Variants in PIEZO2 observed in about 807,000 individuals in gnomAD.
PIEZO2 encodes the protein piezo type mechanosensitive ion channel component 2.
In PIEZO2, 172 loss-of-function variants were observed where a neutral mutation model predicts 337.3. That is an observed-to-expected ratio of 0.51 (90% confidence interval 0.45 to 0.58). The LOEUF (loss-of-function observed/expected upper bound fraction) is 0.58. Among genes scored for constraint, PIEZO2 ranks in the 20% least tolerant of loss-of-function variants. The pLI is 0.00. For synonymous variants in PIEZO2, 1,251 were observed against 1,228.5 expected, an observed-to-expected ratio of 1.02 and a Z score of -0.38; for missense variants, 3,028 against 3,391.3, an observed-to-expected ratio of 0.89 and a Z score of 2.66.
rs1367805586 is a variant in PIEZO2 at position 11,096,990 on chromosome 18, C to T, written c.65-30768G>A. Reference sequence around the variant, plus strand: ...GTCTAGGAAAGATTTAAATGCCTAACGCCAGCAAGGCTTTTCCTCTAGGAC... The same window carrying T: ...GTCTAGGAAAGATTTAAATGCCTAATGCCAGCAAGGCTTTTCCTCTAGGAC... On this transcript the variant is annotated intron_variant, in intron 1 of 55. Coordinates refer to ENST00000674853, the MANE Select transcript of PIEZO2 (RefSeq NM_001378183.1). This position sits in a 1 kb window ranked among gnomAD's most constrained non-coding sequence, Gnocchi z 4.6. Among the ~76,000 whole-genome samples the T allele has an allele frequency of 4.6e-5, 7 of 152,158 alleles. No individual in the cohort carries two copies. The highest frequency in any genetic ancestry group is 3.8e-4 in the East Asian group (2 of 5,200).
chr18:11,029,527 C>G (rs1031154937), intron 2 of PIEZO2, among the ~76,000 whole-genome samples: 2 of 152,302 alleles, frequency 1.3e-5, no homozygotes, highest in Admixed American at 1.3e-4. Flanking sequence ...TTCAAACAAG[C>G]AAATTAGGCC....
rs546601375 is a variant in PIEZO2, at chr18:10,813,776, G to A, written c.918-6502C>T. ...CATAAGTGAAATTGTTGGATCGTAT[G>A]ACCATTCTATTTTTAATAGAGAAAC... On this transcript the variant is annotated intron_variant, in intron 7 of 55. Transcript: ENST00000674853. The surrounding 1 kb of genome is among the most constrained non-coding windows in gnomAD (Gnocchi z 4.2). 5.7e-4 allele frequency among the ~76,000 whole-genome samples: 86 copies of A among 152,172 alleles called. 1 individual carries two copies. The highest frequency in any genetic ancestry group is 2.0e-3 in the African/African-American group (85 of 41,502).
At chr18:10,908,581 C>T (rs1253052819) in intron 4 of PIEZO2, 2 of 152,314 alleles carry the variant, frequency 1.3e-5, no homozygotes, top group African/African-American at 4.8e-5. Context: ...ACAAGAACCT[C>T]AAAGATCACT....
chr18:10,787,956 C>T (rs10853190), intron 15 of PIEZO2, among the ~76,000 whole-genome samples: 29,214 of 151,928 alleles, frequency 0.19, 3,059 homozygotes, highest in East Asian at 0.39. Flanking sequence ...GCAGTCAATG[C>T]ACTATACATA....
Position 10,762,992 on chromosome 18 carries a change from A to G in PIEZO2, c.3053T>C (p.Ile1018Thr). The G allele has an allele frequency of 1.3e-6, 2 of 1,537,342 alleles. No homozygotes were observed. The highest frequency in any genetic ancestry group is 1.7e-6 in the Non-Finnish European group (2 of 1,146,926). ...CTGGTACAACATTTTGCAGACGATG[A>G]TCACACACGTCCAGACTGTGCAGAC... is the stretch of plus-strand genomic sequence containing the variant. ...SSVCTVWTCVIIVCKMLYQLQ... is the reference protein window; with the variant it reads ...SSVCTVWTCVTIVCKMLYQLQ... Residue 1018 changes from isoleucine (I) to threonine (T), a missense_variant, in exon 22 of 56, where the codon ATC (isoleucine) becomes ACC (threonine). Ile to Thr is a moderately conservative substitution (Grantham distance 89). Coordinates refer to ENST00000674853, the MANE Select transcript of PIEZO2 (RefSeq NM_001378183.1).
rs146610782 is a variant in PIEZO2 at position 11,102,609 on chromosome 18, A to G, written c.65-36387T>C. Among the ~76,000 whole-genome samples the G allele has an allele frequency of 3.8e-4, 58 of 152,238 alleles. No individual in the cohort carries two copies. The East Asian group carries it at 0.011, about 30-fold the overall frequency. ...GCGTCTGGCTTGGATCATCTCTGAC[A>G]CTTGCTCTCCCCTGGTGTCTTTGGA... On this transcript the variant is annotated intron_variant, in intron 1 of 55. Transcript: ENST00000674853. The surrounding 1 kb of genome is among the most constrained non-coding windows in gnomAD (Gnocchi z 5.7).
intron 43 of PIEZO2, among the ~76,000 whole-genome samples, chr18:10,701,550 G>A (rs57014552): frequency 0.068 from 10,352 of 152,308 alleles, 605 homozygotes; most frequent in East Asian, 0.22. Flanking sequence ...ACTAGAAGAA[G>A]GGAGGCAGAA....
intron 2 of PIEZO2, among the ~76,000 whole-genome samples, chr18:10,994,856 C>A (rs1371985273): frequency 2.0e-5 from 3 of 151,678 alleles, no homozygotes; most frequent in Admixed American, 6.6e-5. Context: ...CCAAAGCGGG[C>A]GGATCACCTG....
chr18:10,677,345 G>A lies in PIEZO2; in HGVS notation c.8081+402C>T, dbSNP rs757610801. Among the ~76,000 whole-genome samples, 7 of 152,170 alleles carry A rather than the reference G, an allele frequency of 4.6e-5. No homozygotes were observed. Among genetic ancestry groups the A allele is most frequent in the Non-Finnish European group, 1.0e-4 (7 of 68,034 alleles). On this transcript the variant is annotated intron_variant, in intron 53 of 55. Transcript: ENST00000674853. This position sits in a 1 kb window ranked among gnomAD's most constrained non-coding sequence, Gnocchi z 4.1. The stretch of plus-strand genomic sequence containing the variant: ...TGATTCTCATGCCTCAGGCTCCCAA[G>A]TAGCTGGGAGTACAGATGTGCACCA...
At position 11,061,958 on chromosome 18, in the gene PIEZO2, C is replaced by A. The variant is rs1433398229; in HGVS notation, c.160+4169G>T. Among the ~76,000 whole-genome samples the A allele has an allele frequency of 4.6e-5, 7 of 152,318 alleles. No individual in the cohort carries two copies. In the East Asian group the frequency reaches 1.2e-3, roughly 25 times the overall value. On this transcript the variant is annotated intron_variant, in intron 2 of 55. Coordinates refer to ENST00000674853, the MANE Select transcript of PIEZO2 (RefSeq NM_001378183.1). ...AAGAGCCCGCATTGCTAAGTCAATC[C>A]TGAGCCAAAAGAACAAAGCTGGAGG... is the stretch of plus-strand genomic sequence containing the variant.
At position 10,677,706 on chromosome 18, in the gene PIEZO2, A is replaced by G. The variant is rs1055906767; in HGVS notation, c.8081+41T>C. ...GATGGACATTTTGTACCAGCTGCAT[A>G]TACCTAACAAAGCTCTATTAGTAGG... On this transcript the variant is annotated intron_variant, in intron 53 of 55. Transcript: ENST00000674853. The surrounding 1 kb of genome is among the most constrained non-coding windows in gnomAD (Gnocchi z 4.1). The G allele has an allele frequency of 6.3e-7, 1 of 1,592,930 alleles. No individual in the cohort carries two copies. The highest frequency in any genetic ancestry group is 8.5e-7 in the Non-Finnish European group (1 of 1,172,684).
rs1228966872 is a variant in PIEZO2 at position 10,920,131 on chromosome 18, C to T, written c.287-8903G>A. 5.9e-5 allele frequency among the ~76,000 whole-genome samples: 9 copies of T among 152,144 alleles called. No individual in the cohort carries two copies. The East Asian group carries it at 1.5e-3, about 26-fold the overall frequency. ...TAGAAACTGGGCAACTGTGTCATTC[C>T]TGAATAGAAGCCTCCTTCTGAGAAA... On this transcript the variant is annotated intron_variant, in intron 3 of 55. Coordinates refer to ENST00000674853, the MANE Select transcript of PIEZO2 (RefSeq NM_001378183.1).
At position 11,116,589 on chromosome 18, in the gene PIEZO2, G is replaced by GCA. The variant is rs1568387224; in HGVS notation, c.64+31935_64+31936insTG. Among the ~76,000 whole-genome samples, 5 of 151,908 alleles carry GCA rather than the reference G, an allele frequency of 3.3e-5. No individual in the cohort carries two copies. Among genetic ancestry groups the GCA allele is most frequent in the Non-Finnish European group, 4.4e-5 (3 of 67,992 alleles). On this transcript the variant is annotated intron_variant, in intron 1 of 55. Coordinates refer to ENST00000674853, the MANE Select transcript of PIEZO2 (RefSeq NM_001378183.1). The surrounding 1 kb of genome is among the most constrained non-coding windows in gnomAD (Gnocchi z 5.0). ...AATTAGCCGGGCGTGGTGGCGGGGG[G>GCA]CCTGTAGTCCCAGCTACTCGGGAGG...
At chr18:10,710,898 G>A (rs2035795042) in intron 39 of PIEZO2, among the ~76,000 whole-genome samples, 1 of 152,178 alleles carries the variant, frequency 6.6e-6, no homozygotes, top group Non-Finnish European at 1.5e-5. Context: ...GGCAAGTGAG[G>A]TAACTCCTTT....
At chr18:10,769,264 A>G (rs377719052) in intron 21 of PIEZO2, among the ~76,000 whole-genome samples, 27 of 152,292 alleles carry the variant, frequency 1.8e-4, no homozygotes, top group Middle Eastern at 3.4e-3. Flanking sequence ...CCATTTCCCC[A>G]CGAATCTCGC....
At chr18:10,951,412 T>G (rs2033291227) in intron 3 of PIEZO2, among the ~76,000 whole-genome samples, 1 of 152,218 alleles carries the variant, frequency 6.6e-6, no homozygotes, top group African/African-American at 2.4e-5. Flanking sequence ...GACAAGTCTC[T>G]GACCTGTCTT....
In PIEZO2 at chr18:11,125,970, T is replaced by C. The variant is rs1162339636; in HGVS notation, c.64+22555A>G. Among the ~76,000 whole-genome samples, 1 of 152,202 alleles carries C rather than the reference T, an allele frequency of 6.6e-6. No homozygotes were observed. The highest frequency in any genetic ancestry group is 1.5e-5 in the Non-Finnish European group (1 of 68,042). ...GCCTACCATAAGATGGACAGACAAGTAGCACGTGACTGTGGTTTTATCCAG... is the reference window on the plus strand; with the variant it reads ...GCCTACCATAAGATGGACAGACAAGCAGCACGTGACTGTGGTTTTATCCAG... On this transcript the variant is annotated intron_variant, in intron 1 of 55. Coordinates refer to ENST00000674853, the MANE Select transcript of PIEZO2 (RefSeq NM_001378183.1). This position sits in a 1 kb window ranked among gnomAD's most constrained non-coding sequence, Gnocchi z 4.4.
chr18:10,722,237 T>G (rs1052915139), intron 36 of PIEZO2, among the ~76,000 whole-genome samples: 3 of 151,638 alleles, frequency 2.0e-5, no homozygotes, highest in Non-Finnish European at 4.4e-5. Context: ...GAGACTTTTT[T>G]TTTTTTTTCC....
chr18:10,757,710 C>T (rs753493360), intron 27 of PIEZO2, among the ~76,000 whole-genome samples: 21 of 151,812 alleles, frequency 1.4e-4, no homozygotes, highest in Non-Finnish European at 2.2e-4. Flanking sequence ...ATTACTGGCA[C>T]AAGTCAGTTT....
Sources: allele counts gnomAD v4.1 joint callset (sites outside exome capture counted in the v4.1 genomes callset), GRCh38; gene constraint gnomAD v4.1.1; non-coding constraint Gnocchi (gnomAD v3.1); transcripts MANE v1.5; gene names NCBI Gene and HGNC (gene_info 2026-07-23, HGNC 2026-07-21).